The following KRTAP11-1 variants were observed in gnomAD, a reference collection of about 807,000 sequenced individuals.
KRTAP11-1 encodes the protein keratin-associated protein 11-1.
A neutral mutation model predicts 13.9 loss-of-function variants in KRTAP11-1; 17 were observed. That is an observed-to-expected ratio of 1.23 (90% CI 0.84 to 1.84). The LOEUF is 1.84. Ranked by LOEUF, KRTAP11-1 falls within the 40% of genes most tolerant of loss-of-function variation. The pLI, the probability that KRTAP11-1 is intolerant of heterozygous loss-of-function variation, is 0.00. For synonymous variants in KRTAP11-1, 69 were observed against 81.6 expected (o/e 0.85, Z 0.84); for missense variants, 181 against 200.9 (o/e 0.90, Z 0.60).
At position 30,880,682 on chromosome 21, in the gene KRTAP11-1, A is replaced by G; in HGVS notation, c.*351T>C. 1 of 267,734 alleles carries G rather than the reference A, an allele frequency of 3.7e-6. No individual in the cohort carries two copies. Among genetic ancestry groups the G allele is most frequent in the East Asian group, 7.2e-5 (1 of 13,864 alleles). 16.6% of individuals were successfully genotyped at this position (267,734 alleles called of 1,614,324 possible). A position where few individuals can be genotyped will look rare whatever the true frequency, so the allele number is the denominator to read the frequency against. On this transcript the variant is annotated 3_prime_UTR_variant, in exon 1 of 1. Coordinates refer to ENST00000332378, the MANE Select transcript of KRTAP11-1 (RefSeq NM_175858.3). The stretch of plus-strand genomic sequence containing the variant: ...CTAATGCAGGTTTATTGAGAAATAC[A>G]TGGTGAGACAAGCTCTGTTTTTGTG...
Position 30,881,504 on chromosome 21 carries a change from T to G in KRTAP11-1, c.21A>C (p.Thr7=), listed in dbSNP as rs757603843. The part of the protein sequence containing the change: MSFNCS[T]RNCSSRPIGG... Reference sequence around the variant, plus strand: ...CAATGGGCCTGGAAGAGCAATTTCTTGTGGAGCAGTTGAAGGACATGATGT... The same window carrying G: ...CAATGGGCCTGGAAGAGCAATTTCTGGTGGAGCAGTTGAAGGACATGATGT... The change falls in exon 1 of 1, where the codon ACA becomes ACC. Residue 7 remains threonine, a synonymous_variant. Transcript: ENST00000332378. 1.9e-6 allele frequency: 3 copies of G among 1,610,978 alleles called. No homozygotes were observed. The highest frequency in any genetic ancestry group is 2.2e-5 in the South Asian group (2 of 90,444).
At position 30,880,681 on chromosome 21, in the gene KRTAP11-1, C is replaced by T. The variant is rs545398528; in HGVS notation, c.*352G>A. On this transcript the variant is annotated 3_prime_UTR_variant, in exon 1 of 1. Transcript: ENST00000332378. ...ACTAATGCAGGTTTATTGAGAAATA[C>T]ATGGTGAGACAAGCTCTGTTTTTGT... The T allele has an allele frequency of 8.0e-5, 21 of 263,248 alleles. No individual in the cohort carries two copies. The South Asian group carries it at 1.7e-3, about 22-fold the overall frequency. The allele number at this position is 263,248 out of a possible 1,614,324, so 16.3% of individuals were successfully genotyped here.
Position 30,881,528 on chromosome 21 carries a change from G to A in KRTAP11-1, c.-4C>T, listed in dbSNP as rs1442308139. The A allele has an allele frequency of 1.6e-5, 26 of 1,599,328 alleles. No homozygotes were observed. The highest frequency in any genetic ancestry group is 2.2e-5 in the Non-Finnish European group (26 of 1,172,990). ...TTGTGGAGCAGTTGAAGGACATGAT[G>A]TCAGACAGAGGGCTGCAGGTAGCTT... On this transcript the variant is annotated 5_prime_UTR_variant, in exon 1 of 1. Coordinates refer to ENST00000332378, the MANE Select transcript of KRTAP11-1 (RefSeq NM_175858.3).
At position 30,881,102 on chromosome 21, in the gene KRTAP11-1, GC is replaced by G; in HGVS notation, c.422del (p.Cys141SerfsTer56). ...TCCTGGAGACCCCACAGGCTGGCTG[GC>G]AGACAGTAGAGACTCCTCCCACTGG... ...CQPVGGVSTV[C>X]QPACGVSRTY... is the part of the protein sequence containing the mutation. On this transcript the variant is annotated frameshift_variant, in exon 1 of 1. Transcript: ENST00000332378. LOFTEE classifies it high-confidence loss of function. 6.2e-7 allele frequency: 1 copy of G among 1,614,168 alleles called. No homozygotes were observed. Among genetic ancestry groups the G allele is most frequent in the Non-Finnish European group, 8.5e-7 (1 of 1,180,018 alleles).
Position 30,881,018 on chromosome 21 carries a change from C to T in KRTAP11-1, c.*15G>A. 6.3e-7 allele frequency: 1 copy of T among 1,599,400 alleles called. No individual in the cohort carries two copies. Among genetic ancestry groups the T allele is most frequent in the Non-Finnish European group, 8.5e-7 (1 of 1,170,680 alleles). On this transcript the variant is annotated 3_prime_UTR_variant, in exon 1 of 1. Coordinates refer to ENST00000332378, the MANE Select transcript of KRTAP11-1 (RefSeq NM_175858.3). Reference sequence around the variant, plus strand: ...AGGTCGTGGAGTCTTGATTCGCTCACTGGCTCCTACACACTTAGCAGGTTC... The same window carrying T: ...AGGTCGTGGAGTCTTGATTCGCTCATTGGCTCCTACACACTTAGCAGGTTC...
In KRTAP11-1 at chr21:30,881,324, C is replaced by T; in HGVS notation, c.201G>A (p.Gln67=). 1 of 1,614,146 alleles carries T rather than the reference C, an allele frequency of 6.2e-7. No homozygotes were observed. Among genetic ancestry groups the T allele is most frequent in the Non-Finnish European group, 8.5e-7 (1 of 1,180,008 alleles). ...ATGAAGTTCGCCGGTAACAGGTTGG[C>T]TGGCAAGCAGTGGGCTCACAGCAGG... The part of the protein sequence containing the change: ...QETCCEPTAC[Q]PTCYRRTSCV... Residue 67 remains glutamine, a synonymous_variant, in exon 1 of 1, where the codon CAG becomes CAA. Transcript: ENST00000332378.
In KRTAP11-1 at chr21:30,881,407, T is replaced by C; in HGVS notation, c.118A>G (p.Ile40Val). 1 of 1,614,146 alleles carries C rather than the reference T, an allele frequency of 6.2e-7. No individual in the cohort carries two copies. Among genetic ancestry groups the C allele is most frequent in the African/African-American group, 1.3e-5 (1 of 75,046 alleles). The change falls in exon 1 of 1, where the codon ATC (isoleucine) becomes GTC (valine). Residue 40 changes from isoleucine to valine, a missense_variant. Physicochemically the swap from Ile to Val is conservative, Grantham distance 29. Transcript: ENST00000332378. ...GTCTGGAAGGAACTGGGCAAACAGATGCCGCCCAGGCAGTCAGCATCAGTG... is the reference window on the plus strand; with the variant it reads ...GTCTGGAAGGAACTGGGCAAACAGACGCCGCCCAGGCAGTCAGCATCAGTG... ...STTDADCLGG[I>V]CLPSSFQTGS...
Position 30,881,138 on chromosome 21 carries a change from A to T in KRTAP11-1, c.387T>A (p.Thr129=), listed in dbSNP as rs202125391. The stretch of plus-strand genomic sequence containing the variant: ...AGACTCCTCCCACTGGTTGGCAGAC[A>T]GTAGAGATGCCGCCCACTGGTTGGC... ...SVCQPVGGIS[T]VCQPVGGVST... The change falls in exon 1 of 1, where the codon ACT becomes ACA. Residue 129 remains threonine, a synonymous_variant. Transcript: ENST00000332378. 2 of 1,614,142 alleles carry T rather than the reference A, an allele frequency of 1.2e-6. No individual in the cohort carries two copies. Among genetic ancestry groups the T allele is most frequent in the South Asian group, 2.2e-5 (2 of 91,066 alleles).
chr21:30,881,032 C>T lies in KRTAP11-1; in HGVS notation c.*1G>A, dbSNP rs765162720. On this transcript the variant is annotated 3_prime_UTR_variant, in exon 1 of 1. Coordinates refer to ENST00000332378, the MANE Select transcript of KRTAP11-1 (RefSeq NM_175858.3). The stretch of plus-strand genomic sequence containing the variant: ...TGATTCGCTCACTGGCTCCTACACA[C>T]TTAGCAGGTTCTTCGGCAGCTGGAC... 11 of 1,610,478 alleles carry T rather than the reference C, an allele frequency of 6.8e-6. No individual in the cohort carries two copies. The East Asian group carries it at 2.2e-4, about 33-fold the overall frequency.
rs1187756985 is a variant in KRTAP11-1, at chr21:30,881,094, G to C, written c.431C>G (p.Ala144Gly). Residue 144 changes from alanine to glycine, a missense_variant, in exon 1 of 1, where the codon GCC (alanine) becomes GGC (glycine). Physicochemically the swap from Ala to Gly is moderately conservative, Grantham distance 60. Coordinates refer to ENST00000332378, the MANE Select transcript of KRTAP11-1 (RefSeq NM_175858.3). ...CTGATACGTCCTGGAGACCCCACAG[G>C]CTGGCTGGCAGACAGTAGAGACTCC... Reference protein sequence around the residue: ...VGGVSTVCQPACGVSRTYQQS... With the variant: ...VGGVSTVCQPGCGVSRTYQQS... 1.9e-6 allele frequency: 3 copies of C among 1,614,044 alleles called. No individual in the cohort carries two copies. Among genetic ancestry groups the C allele is most frequent in the Non-Finnish European group, 2.5e-6 (3 of 1,180,020 alleles).
Position 30,880,797 on chromosome 21 carries a change from G to A in KRTAP11-1, c.*236C>T. The A allele has an allele frequency of 1.8e-6, 1 of 542,550 alleles. No individual in the cohort carries two copies. The highest frequency in any genetic ancestry group is 3.3e-5 in the Admixed American group (1 of 29,918). 33.6% of individuals were successfully genotyped at this position (542,550 alleles called of 1,614,324 possible). A position where few individuals can be genotyped will look rare whatever the true frequency, so the allele number is the denominator to read the frequency against. ...CTGGGGTGTGGATGGTAAAGCTTCTGGACACATCCAGAGGCATACACAGCA... is the reference window on the plus strand; with the variant it reads ...CTGGGGTGTGGATGGTAAAGCTTCTAGACACATCCAGAGGCATACACAGCA... On this transcript the variant is annotated 3_prime_UTR_variant, in exon 1 of 1. Coordinates refer to ENST00000332378, the MANE Select transcript of KRTAP11-1 (RefSeq NM_175858.3).
Position 30,881,193 on chromosome 21 carries a change from C to T in KRTAP11-1, c.332G>A (p.Cys111Tyr). 2.5e-6 allele frequency: 4 copies of T among 1,614,116 alleles called. No homozygotes were observed. The highest frequency in any genetic ancestry group is 3.4e-6 in the Non-Finnish European group (4 of 1,180,004). ...ACTGGAGATGCCTCCCAGGGGCTGA[C>T]ATCCACTAGAGACAAAGGTGAGCGG... is the stretch of plus-strand genomic sequence containing the variant. ...SRPLTFVSSG[C>Y]QPLGGISSVC... is the part of the protein sequence containing the mutation. The change falls in exon 1 of 1, where the codon TGT (cysteine) becomes TAT (tyrosine). Residue 111 changes from cysteine to tyrosine, a missense_variant. Physicochemically the swap from Cys to Tyr is radical, Grantham distance 194 (BLOSUM62 -2). Coordinates refer to ENST00000332378, the MANE Select transcript of KRTAP11-1 (RefSeq NM_175858.3).
chr21:30,881,519 G>A lies in KRTAP11-1; in HGVS notation c.6C>T (p.Ser2=). M[S]FNCSTRNCSS... ...AGCAATTTCTTGTGGAGCAGTTGAA[G>A]GACATGATGTCAGACAGAGGGCTGC... Residue 2 remains serine, a synonymous_variant, in exon 1 of 1, where the codon TCC becomes TCT. Transcript: ENST00000332378. 1 of 1,605,984 alleles carries A rather than the reference G, an allele frequency of 6.2e-7. No individual in the cohort carries two copies. Among genetic ancestry groups the A allele is most frequent in the Non-Finnish European group, 8.5e-7 (1 of 1,176,328 alleles).
Position 30,880,956 on chromosome 21 carries a change from A to G in KRTAP11-1, c.*77T>C. On this transcript the variant is annotated 3_prime_UTR_variant, in exon 1 of 1. Transcript: ENST00000332378. ...GTCAGCTATGAAGAGCTATTCAGGG[A>G]CAAGCAGCATGCTGGAAGATCCTGG... 6.5e-7 allele frequency: 1 copy of G among 1,540,546 alleles called. No individual in the cohort carries two copies. The highest frequency in any genetic ancestry group is 8.8e-7 in the Non-Finnish European group (1 of 1,138,264).
chr21:30,881,242 G>A lies in KRTAP11-1; in HGVS notation c.283C>T (p.Pro95Ser), dbSNP rs1236692513. ...CSRQTTCISN[P>S]CSTTYSRPLT... ...GGCCGGCTGTAGGTAGTTGAGCAGGGGTTGGAAATACAGGTAGTTTGTCGA... is the reference window on the plus strand; with the variant it reads ...GGCCGGCTGTAGGTAGTTGAGCAGGAGTTGGAAATACAGGTAGTTTGTCGA... The change falls in exon 1 of 1, where the codon CCC becomes TCC. Residue 95 changes from proline to serine, a missense_variant. Physicochemically the swap from Pro to Ser is moderately conservative, Grantham distance 74 (BLOSUM62 -1). Transcript: ENST00000332378. 1 of 1,614,150 alleles carries A rather than the reference G, an allele frequency of 6.2e-7. No individual in the cohort carries two copies. The highest frequency in any genetic ancestry group is 8.5e-7 in the Non-Finnish European group (1 of 1,180,010).
In KRTAP11-1 at chr21:30,881,000, G is replaced by T; in HGVS notation, c.*33C>A. The T allele has an allele frequency of 6.3e-7, 1 of 1,584,214 alleles. No individual in the cohort carries two copies. Among genetic ancestry groups the T allele is most frequent in the Non-Finnish European group, 8.6e-7 (1 of 1,162,728 alleles). On this transcript the variant is annotated 3_prime_UTR_variant, in exon 1 of 1. Coordinates refer to ENST00000332378, the MANE Select transcript of KRTAP11-1 (RefSeq NM_175858.3). ...ATCCTGGAAACAGCTGGCAGGTCGT[G>T]GAGTCTTGATTCGCTCACTGGCTCC...
chr21:30,881,137 C>T lies in KRTAP11-1; in HGVS notation c.388G>A (p.Val130Ile). ...VCQPVGGIST[V>I]CQPVGGVSTV... ...GAGACTCCTCCCACTGGTTGGCAGACAGTAGAGATGCCGCCCACTGGTTGG... is the reference window on the plus strand; with the variant it reads ...GAGACTCCTCCCACTGGTTGGCAGATAGTAGAGATGCCGCCCACTGGTTGG... The change falls in exon 1 of 1, where the codon GTC (valine) becomes ATC (isoleucine). Residue 130 changes from valine to isoleucine, a missense_variant. Val to Ile is a conservative substitution (Grantham distance 29). Coordinates refer to ENST00000332378, the MANE Select transcript of KRTAP11-1 (RefSeq NM_175858.3). The T allele has an allele frequency of 6.2e-7, 1 of 1,614,138 alleles. No individual in the cohort carries two copies. Among genetic ancestry groups the T allele is most frequent in the Non-Finnish European group, 8.5e-7 (1 of 1,180,016 alleles).
At position 30,880,853 on chromosome 21, in the gene KRTAP11-1, G is replaced by T. The variant is rs2146077120; in HGVS notation, c.*180C>A. On this transcript the variant is annotated 3_prime_UTR_variant, in exon 1 of 1. Coordinates refer to ENST00000332378, the MANE Select transcript of KRTAP11-1 (RefSeq NM_175858.3). ...GAGCAACCCTTAAAACAAGCTTAGG[G>T]CTGGCCAGAAAAATTTTAGAGTGCT... 2.7e-6 allele frequency: 2 copies of T among 738,988 alleles called. No homozygotes were observed. The highest frequency in any genetic ancestry group is 4.4e-6 in the Non-Finnish European group (2 of 456,096). 45.8% of individuals were successfully genotyped at this position (738,988 alleles called of 1,614,324 possible). A position where few individuals can be genotyped will look rare whatever the true frequency, so the allele number is the denominator to read the frequency against.
At position 30,881,274 on chromosome 21, in the gene KRTAP11-1, G is replaced by T; in HGVS notation, c.251C>A (p.Thr84Asn). ...AATACAGGTAGTTTGTCGAGAGCAA[G>T]TCACCTGGCAAGGGTTGGAGACACA... ...TSCVSNPCQV[T>N]CSRQTTCISN... The change falls in exon 1 of 1, where the codon ACT (threonine) becomes AAT (asparagine). Residue 84 changes from threonine to asparagine, a missense_variant. Thr to Asn is a moderately conservative substitution (Grantham distance 65). Coordinates refer to ENST00000332378, the MANE Select transcript of KRTAP11-1 (RefSeq NM_175858.3). The T allele has an allele frequency of 6.2e-7, 1 of 1,614,190 alleles. No individual in the cohort carries two copies. Among genetic ancestry groups the T allele is most frequent in the Non-Finnish European group, 8.5e-7 (1 of 1,180,026 alleles).
Sources: gnomAD v4.1 joint callset for allele counts on GRCh38, gnomAD v4.1.1 for gene constraint, MANE v1.5 for transcripts, NCBI Gene and HGNC (gene_info 2026-07-23, HGNC 2026-07-21) for gene names.